SLC25A33: variants seen among roughly 807,000 people sequenced by gnomAD.
SLC25A33 encodes the protein bone marrow stromal cell mitochondrial carrier protein.
In SLC25A33, 15 loss-of-function variants were observed where a neutral mutation model predicts 35.5. That is an observed-to-expected ratio of 0.42 (90% CI 0.28 to 0.65). The LOEUF is 0.65. Ranked by LOEUF, SLC25A33 falls within the 30% of genes least tolerant of loss-of-function variation. SLC25A33 has a pLI of 0.20. For synonymous variants in SLC25A33, 136 were observed against 148.7 expected, an observed-to-expected ratio of 0.91 and a Z score of 0.62; for missense variants, 257 against 398.5, an observed-to-expected ratio of 0.64 and a Z score of 3.02.
At chr1:9,579,859 A>G in intron 5 of SLC25A33, 95 bp from the exon 6 acceptor site, 2 of 1,394,608 alleles carry the variant, frequency 1.4e-6, no homozygotes, top group East Asian at 2.3e-5. Flanking sequence ...TCCTAACACC[A>G]TAAGGAAGAC....
intron 1 of SLC25A33, among the ~76,000 whole-genome samples, chr1:9,540,646 A>G (rs1205800560): frequency 3.9e-5 from 6 of 152,014 alleles, no homozygotes; most frequent in African/African-American, 1.4e-4. Context: ...TTGGAGTATT[A>G]ATTTGAGGAC....
intron 2 of SLC25A33, among the ~76,000 whole-genome samples, chr1:9,561,960 G>C (rs1303097783): frequency 6.6e-6 from 1 of 151,400 alleles, no homozygotes; most frequent in East Asian, 1.9e-4. Flanking sequence ...CCTTAAAAGA[G>C]CAATACTGTT....
chr1:9,543,032 G>C (rs894011326), intron 1 of SLC25A33, among the ~76,000 whole-genome samples: 5 of 152,114 alleles, frequency 3.3e-5, no homozygotes, highest in African/African-American at 1.2e-4. Flanking sequence ...TGGCTAGGCT[G>C]GTCTCGAACT....
At chr1:9,567,568 ATTC>A (rs1443443915) in intron 3 of SLC25A33, among the ~76,000 whole-genome samples, 3 of 152,346 alleles carry the variant, frequency 2.0e-5, no homozygotes, top group Non-Finnish European at 2.9e-5. Context: ...TATTCTTTAT[ATTC>A]TTAAGTGTGA....
chr1:9,542,165 G>C (rs1354755289), intron 1 of SLC25A33, among the ~76,000 whole-genome samples: 4 of 152,154 alleles, frequency 2.6e-5, no homozygotes, highest in Admixed American at 6.6e-5. Flanking sequence ...AGCAGCCTCT[G>C]TTGAGGCTCA....
At chr1:9,564,837 T>C (rs1462040295) in intron 2 of SLC25A33, among the ~76,000 whole-genome samples, 7 of 149,880 alleles carry the variant, frequency 4.7e-5, no homozygotes, top group African/African-American at 1.7e-4. Flanking sequence ...AGCACAAGAA[T>C]TGCTTGAACT....
intron 5 of SLC25A33, among the ~76,000 whole-genome samples, chr1:9,573,969 G>GT (rs1643626306): frequency 6.6e-6 from 1 of 151,636 alleles, no homozygotes; most frequent in Admixed American, 6.6e-5. Flanking sequence ...GAGTTTTTTT[G>GT]TTTTTTTGTT....
At position 9,578,966 on chromosome 1, in the gene SLC25A33, A is replaced by C. The variant is rs1643699451; in HGVS notation, c.483-988A>C. ...GCAGCTCTTTCTAAAATTAGGTCAA[A>C]TGCTAATGTTTTTATGAACATGTTT... On this transcript the variant is annotated intron_variant, in intron 5 of 6. Coordinates refer to ENST00000302692, the MANE Select transcript of SLC25A33 (RefSeq NM_032315.3). This position sits in a 1 kb window ranked among gnomAD's most constrained non-coding sequence, Gnocchi z 4.3. Among the ~76,000 whole-genome samples the C allele has an allele frequency of 6.6e-6, 1 of 152,234 alleles. No homozygotes were observed. Among genetic ancestry groups the C allele is most frequent in the African/African-American group, 2.4e-5 (1 of 41,462 alleles).
chr1:9,574,157 T>G (rs1043207765), intron 5 of SLC25A33, among the ~76,000 whole-genome samples: 10 of 150,444 alleles, frequency 6.6e-5, no homozygotes, highest in Admixed American at 6.0e-4. Context: ...CAGGGCCTCA[T>G]CTATCACCCA....
rs1231656403 is a variant in SLC25A33, at chr1:9,584,424, G to C, written c.*1923G>C. 6.6e-6 allele frequency: 1 copy of C among 152,296 alleles called. No homozygotes were observed. Among genetic ancestry groups the C allele is most frequent in the East Asian group, 1.9e-4 (1 of 5,204 alleles). 9.4% of individuals were successfully genotyped at this position (152,296 alleles called of 1,614,324 possible). A position where few individuals can be genotyped will look rare whatever the true frequency, so the allele number is the denominator to read the frequency against. On this transcript the variant is annotated 3_prime_UTR_variant, in exon 7 of 7. Transcript: ENST00000302692. Reference sequence around the variant, plus strand: ...TTGTTTTGTTTTGTTTTGAGATGGAGTCTCGCTCTGTCTCTCCCAGGCTGG... The same window carrying C: ...TTGTTTTGTTTTGTTTTGAGATGGACTCTCGCTCTGTCTCTCCCAGGCTGG...
chr1:9,580,023 T>C lies in SLC25A33; in HGVS notation c.552T>C (p.Arg184=). 6.2e-7 allele frequency: 1 copy of C among 1,613,438 alleles called. No homozygotes were observed. Among genetic ancestry groups the C allele is most frequent in the Non-Finnish European group, 8.5e-7 (1 of 1,179,696 alleles). The change falls in exon 6 of 7, where the codon CGT becomes CGC. Residue 184 remains arginine, a synonymous_variant. Transcript: ENST00000302692. ...ACGTTTACCAGACCGAAGGCATTCG[T>C]GGCTTCTATAGAGGATTAACTGCCT... is the stretch of plus-strand genomic sequence containing the variant. ...ARYVYQTEGI[R]GFYRGLTASY...
At position 9,582,285 on chromosome 1, in the gene SLC25A33, TTC is replaced by T. The variant is rs760121795; in HGVS notation, c.764-6_764-5del. 6.2e-7 allele frequency: 1 copy of T among 1,613,760 alleles called. No individual in the cohort carries two copies. The highest frequency in any genetic ancestry group is 8.5e-7 in the Non-Finnish European group (1 of 1,179,680). On this transcript the variant is annotated splice_polypyrimidine_tract_variant and intron_variant, in intron 6 of 6. Transcript: ENST00000302692. The surrounding 1 kb of genome is among the most constrained non-coding windows in gnomAD (Gnocchi z 4.0). ...TTAATATGTGGCGTAAAGTAGGTCT[TTC>T]TCTCTCTGCAGAAGTCATAAGGACG...
At chr1:9,543,976 A>G (rs1643130787) in intron 1 of SLC25A33, among the ~76,000 whole-genome samples, 1 of 152,032 alleles carries the variant, frequency 6.6e-6, no homozygotes, top group Admixed American at 6.6e-5. Flanking sequence ...ATGGTGGTGC[A>G]TGCCTGTAAT....
intron 5 of SLC25A33, among the ~76,000 whole-genome samples, chr1:9,577,460 G>C (rs1489218548): frequency 2.0e-5 from 3 of 152,140 alleles, no homozygotes; most frequent in African/African-American, 7.2e-5. Flanking sequence ...AGGGGACAGA[G>C]TGAGTAAGAC....
chr1:9,540,322 A>AG (rs1214331309), intron 1 of SLC25A33, among the ~76,000 whole-genome samples: 2 of 152,110 alleles, frequency 1.3e-5, no homozygotes, highest in South Asian at 2.1e-4. Context: ...AACTCATATG[A>AG]GGTCTGGAAG....
intron 1 of SLC25A33, among the ~76,000 whole-genome samples, chr1:9,548,530 C>T (rs879669814): frequency 7.2e-5 from 11 of 152,072 alleles, no homozygotes; most frequent in Admixed American, 6.6e-5. Flanking sequence ...TGCAGTGAGC[C>T]GAGATCACGC....
chr1:9,564,739 A>AATATATATATATATAT (rs70979762), intron 2 of SLC25A33, among the ~76,000 whole-genome samples: 15 of 96,522 alleles, frequency 1.6e-4, no homozygotes, highest in South Asian at 3.1e-4. Context: ...AAAAAAAAAA[A>AATATATATATATATAT]ATATATATAT....
chr1:9,574,769 G>A (rs1643637469), intron 5 of SLC25A33, among the ~76,000 whole-genome samples: 1 of 152,150 alleles, frequency 6.6e-6, no homozygotes, highest in Non-Finnish European at 1.5e-5. Flanking sequence ...AGACACAATA[G>A]CTAAGACCCA....
At chr1:9,564,739 A>AAATATATATATAT (rs60174872) in intron 2 of SLC25A33, among the ~76,000 whole-genome samples, 48 of 96,524 alleles carry the variant, frequency 5.0e-4, no homozygotes, top group African/African-American at 2.0e-3. Flanking sequence ...AAAAAAAAAA[A>AAATATATATATAT]ATATATATAT....
Sources: gnomAD v4.1 joint callset for allele counts (sites outside exome capture counted in the v4.1 genomes callset) on GRCh38, gnomAD v4.1.1 for gene constraint, Gnocchi (gnomAD v3.1) non-coding constraint, MANE v1.5 for transcripts, NCBI Gene and HGNC (gene_info 2026-07-23, HGNC 2026-07-21) for gene names.